The following ZNF341 variants were observed in gnomAD, a reference collection of about 807,000 sequenced individuals.
The protein encoded by ZNF341 is zinc finger protein 341.
A neutral mutation model predicts 87.7 loss-of-function variants in ZNF341; 52 were observed. That is an observed-to-expected ratio of 0.59 (90% confidence interval 0.47 to 0.75). The LOEUF (loss-of-function observed/expected upper bound fraction) is 0.75, where lower values mean the gene tolerates loss of function less well. Ranked by LOEUF, ZNF341 falls within the 30% of genes least tolerant of loss-of-function variation. ZNF341 has a pLI of 0.00. For missense variants in ZNF341, 977 were observed against 1,145.9 expected (o/e 0.85, Z 2.13); for synonymous variants, 459 against 472.7 (o/e 0.97, Z 0.38).
chr20:33,764,702 CATATA>C lies in ZNF341; in HGVS notation c.1223-2142_1223-2138del, dbSNP rs1313262462. 3.4e-4 allele frequency among the ~76,000 whole-genome samples: 50 copies of C among 146,802 alleles called. No individual in the cohort carries two copies. The East Asian group carries it at 6.6e-3, about 19-fold the overall frequency. ...CGATATATTAACATTATTATTTTAA[CATATA>C]ATATAAAGATTGAATATACTTTATA... is the stretch of plus-strand genomic sequence containing the variant. On this transcript the variant is annotated intron_variant, in intron 8 of 14. Coordinates refer to ENST00000375200, the MANE Select transcript of ZNF341 (RefSeq NM_001282933.2).
intron 10 of ZNF341, among the ~76,000 whole-genome samples, chr20:33,776,522 G>GACC (rs1168996346): frequency 6.6e-6 from 1 of 152,098 alleles, no homozygotes; most frequent in Non-Finnish European, 1.5e-5. Flanking sequence ...GAGTAGCTGG[G>GACC]ACCACAGGTG....
chr20:33,740,968 C>T lies in ZNF341; in HGVS notation c.98C>T (p.Pro33Leu), dbSNP rs759711668. ...LLDGQGAVPD[P>L]TGQSVNAPPA... The stretch of plus-strand genomic sequence containing the variant: ...GATGGCCAAGGAGCAGTCCCTGATC[C>T]GACAGGCCAGAGTGTCAATGCGCCC... The change falls in exon 2 of 15, where the codon CCG becomes CTG. Residue 33 changes from proline (P) to leucine (L), a missense_variant. Pro to Leu is a moderately conservative substitution (Grantham distance 98). Around this residue, in one of 3 missense-constraint regions of ZNF341, gnomAD observed 515 missense variants for 598.2 expected, o/e 0.86. Transcript: ENST00000375200. 28 of 1,614,134 alleles carry T rather than the reference C, an allele frequency of 1.7e-5. No homozygotes were observed. Among genetic ancestry groups the T allele is most frequent in the Middle Eastern group, 1.6e-4 (1 of 6,062 alleles).
rs764076074 is a variant in ZNF341, at chr20:33,783,915, C to G, written c.1852+51C>G. 127 of 1,546,142 alleles carry G rather than the reference C, an allele frequency of 8.2e-5. 2 individuals carry two copies. The South Asian group carries it at 1.4e-3, about 17-fold the overall frequency. Reference sequence around the variant, plus strand: ...CAGCCCAGCCCCTCCCCTCCCCCTCCCCCTCTCCTCATGCCTTTCTCTCTC... The same window carrying G: ...CAGCCCAGCCCCTCCCCTCCCCCTCGCCCTCTCCTCATGCCTTTCTCTCTC... On this transcript the variant is annotated intron_variant, in intron 12 of 14. Coordinates refer to ENST00000375200, the MANE Select transcript of ZNF341 (RefSeq NM_001282933.2).
intron 1 of ZNF341, among the ~76,000 whole-genome samples, chr20:33,737,748 T>C (rs1458158907): frequency 2.6e-5 from 4 of 152,118 alleles, no homozygotes; most frequent in African/African-American, 7.2e-5. Flanking sequence ...TGGGTGGGGC[T>C]GCAGGACTCA....
At chr20:33,771,206 A>G (rs543097812) in intron 10 of ZNF341, among the ~76,000 whole-genome samples, 6 of 152,318 alleles carry the variant, frequency 3.9e-5, no homozygotes, top group South Asian at 2.1e-4. Context: ...TTTATAATCT[A>G]TAAGATCTAG....
At chr20:33,754,992 G>A (rs1481483244) in intron 5 of ZNF341, among the ~76,000 whole-genome samples, 2 of 152,190 alleles carry the variant, frequency 1.3e-5, no homozygotes, top group African/African-American at 4.8e-5. Flanking sequence ...GCCCAGGTTG[G>A]AGTGCAGTGG....
At chr20:33,746,821 G>T (rs1733534834) in intron 3 of ZNF341, among the ~76,000 whole-genome samples, 1 of 152,158 alleles carries the variant, frequency 6.6e-6, no homozygotes, top group Non-Finnish European at 1.5e-5. Context: ...GGTGAGGAGT[G>T]TGAGATCAAG....
At chr20:33,766,793 G>A in intron 8 of ZNF341, 58 bp from the exon 9 acceptor site, 1 of 1,534,812 alleles carries the variant, frequency 6.5e-7, no homozygotes, top group Non-Finnish European at 8.8e-7. Flanking sequence ...TAGGGGTTCT[G>A]TGCATCCTTC....
intron 9 of ZNF341, among the ~76,000 whole-genome samples, chr20:33,768,400 G>A (rs2019455203): frequency 6.6e-6 from 1 of 151,482 alleles, no homozygotes; most frequent in South Asian, 2.1e-4. Context: ...TGGGATTACA[G>A]GTGTGAGCCA....
chr20:33,789,224 G>A (rs2626549), intron 13 of ZNF341, among the ~76,000 whole-genome samples: 3,202 of 152,088 alleles, frequency 0.021, 115 homozygotes, highest in African/African-American at 0.073. Context: ...TACAGATTTA[G>A]TAGAGATGGA....
chr20:33,743,457 A>T (rs2018853822), intron 2 of ZNF341, among the ~76,000 whole-genome samples: 1 of 149,040 alleles, frequency 6.7e-6, no homozygotes, highest in African/African-American at 2.5e-5. Flanking sequence ...CTCCTGCCTC[A>T]GCCTCCTGAG....
intron 3 of ZNF341, among the ~76,000 whole-genome samples, chr20:33,746,016 C>T (rs1258536910): frequency 4.0e-5 from 6 of 150,714 alleles, no homozygotes; most frequent in East Asian, 1.9e-4. Flanking sequence ...CCGCAAGCTC[C>T]GCCTCCTGGG....
chr20:33,759,242 G>T (rs1014492277), intron 7 of ZNF341, among the ~76,000 whole-genome samples: 17 of 152,216 alleles, frequency 1.1e-4, no homozygotes, highest in African/African-American at 4.1e-4. Context: ...TGGAAGGGGA[G>T]GCTGGGCTTG....
chr20:33,748,654 C>T (rs1020519682), intron 3 of ZNF341, among the ~76,000 whole-genome samples: 2 of 152,094 alleles, frequency 1.3e-5, no homozygotes, highest in African/African-American at 4.8e-5. Flanking sequence ...AGTTGTGAGC[C>T]ACCGTGCCCA....
intron 8 of ZNF341, among the ~76,000 whole-genome samples, chr20:33,766,050 T>G (rs2019399966): frequency 2.0e-5 from 3 of 151,692 alleles, no homozygotes. Context: ...GCCCAGATAA[T>G]TTTTTTGTAT....
chr20:33,757,925 G>A (rs1027029693), intron 6 of ZNF341, among the ~76,000 whole-genome samples: 20 of 152,162 alleles, frequency 1.3e-4, no homozygotes, highest in African/African-American at 4.8e-4. Flanking sequence ...CCATCCTAAT[G>A]CAGATGCTAA....
intron 9 of ZNF341, among the ~76,000 whole-genome samples, chr20:33,769,852 A>G (rs1232206762): frequency 1.3e-5 from 2 of 152,232 alleles, no homozygotes; most frequent in Non-Finnish European, 2.9e-5. Context: ...TGGAGGTTGC[A>G]GTGAGCCGAG....
intron 7 of ZNF341, 66 bp downstream of exon 7, chr20:33,758,872 C>A: frequency 2.2e-6 from 3 of 1,393,512 alleles, no homozygotes; most frequent in Admixed American, 1.7e-5. Flanking sequence ...GTGCTGGAAG[C>A]GAGACTCCCT....
intron 10 of ZNF341, 43 bp downstream of exon 10, chr20:33,770,335 T>TGGGGGGGGGGGGG: frequency 5.3e-6 from 2 of 380,186 alleles, no homozygotes; most frequent in East Asian, 7.4e-5. Context: ...GACGGGTGGG[T>TGGGGGGGGGGGGG]GGGCAGGGAG....
Sources: gnomAD v4.1 joint callset for allele counts (sites outside exome capture counted in the v4.1 genomes callset) on GRCh38, gnomAD v4.1.1 for gene constraint, gnomAD v4.1.1 regional missense constraint, MANE v1.5 for transcripts, NCBI Gene and HGNC (gene_info 2026-07-23, HGNC 2026-07-21) for gene names.